The following NEO1 variants were observed in gnomAD, a reference collection of about 807,000 sequenced individuals.
NEO1 encodes the protein neogenin.
Under a neutral mutation model 159.7 loss-of-function variants are expected in NEO1, and 63 were observed. The observed-to-expected ratio is 0.39, with a 90% CI of 0.32 to 0.49. NEO1 has a LOEUF of 0.49. NEO1 is among the 20% of genes least tolerant of loss of function. The probability of loss-of-function intolerance (pLI) is 0.85; values close to 1 mark genes in which losing one functional copy is unlikely to be tolerated. For missense variants in NEO1, 1,615 were observed against 1,831.0 expected (o/e 0.88, Z 2.15); for synonymous variants, 633 against 662.0 (o/e 0.96, Z 0.67).
At chr15:73,294,522 G>A (rs1445231491) in intron 26 of NEO1, among the ~76,000 whole-genome samples, 1 of 152,036 alleles carries the variant, frequency 6.6e-6, no homozygotes, top group African/African-American at 2.4e-5. Context: ...ATTCTTTTAA[G>A]TTTTTTGTTT....
chr15:73,090,728 A>G (rs963109100), intron 1 of NEO1, among the ~76,000 whole-genome samples: 8 of 152,186 alleles, frequency 5.3e-5, no homozygotes, highest in African/African-American at 1.9e-4. Context: ...TCATTCCACT[A>G]TTACCAATCA....
intron 27 of NEO1, among the ~76,000 whole-genome samples, chr15:73,299,514 C>G (rs969787254): frequency 6.6e-6 from 1 of 151,958 alleles, no homozygotes; most frequent in Non-Finnish European, 1.5e-5. Context: ...GCCTCCCAAG[C>G]AGCTGGGACT....
chr15:73,166,777 G>A (rs1446724004), intron 5 of NEO1, among the ~76,000 whole-genome samples: 1 of 152,104 alleles, frequency 6.6e-6, no homozygotes, highest in Non-Finnish European at 1.5e-5. Flanking sequence ...AAGAACTTTA[G>A]GACAAAGATA....
intron 1 of NEO1, among the ~76,000 whole-genome samples, chr15:73,074,496 T>G (rs550099817): frequency 2.0e-5 from 3 of 152,368 alleles, no homozygotes; most frequent in East Asian, 1.9e-4. Context: ...TTTCTTATGC[T>G]TTATTTCTGT....
In NEO1 at chr15:73,301,418, A is replaced by C; in HGVS notation, c.4263A>C (p.Glu1421Asp). 6.2e-7 allele frequency: 1 copy of C among 1,614,204 alleles called. No individual in the cohort carries two copies. The highest frequency in any genetic ancestry group is 8.5e-7 in the Non-Finnish European group (1 of 1,180,036). Residue 1421 changes from glutamate (E) to aspartate (D), a missense_variant, in exon 28 of 29, where the codon GAA becomes GAC. Glu to Asp is a conservative substitution (Grantham distance 45, BLOSUM62 2). Around this residue, in one of 3 missense-constraint regions of NEO1, gnomAD observed 471 missense variants for 498.9 expected, o/e 0.94. Transcript: ENST00000261908. The part of the protein sequence containing the change: ...PMPVVVPSAP[E>D]VQETTRMLED... ...CAGTGGTTGTTCCCAGTGCCCCTGA[A>C]GTGCAGGAGACCACAAGGATGTTGG...
chr15:73,176,702 A>C, intron 6 of NEO1, 145 bp downstream of exon 6: 1 of 573,074 alleles, frequency 1.7e-6, no homozygotes, highest in South Asian at 4.0e-5. Flanking sequence ...TAATACCTTC[A>C]TTGGCTGATG....
chr15:73,128,674 CAA>C (rs1316296667), intron 4 of NEO1, among the ~76,000 whole-genome samples: 3 of 152,040 alleles, frequency 2.0e-5, no homozygotes, highest in Non-Finnish European at 4.4e-5. Context: ...GAAGAAAAGA[CAA>C]ATTATATCAG....
At chr15:73,161,604 C>T (rs778725128) in intron 5 of NEO1, among the ~76,000 whole-genome samples, 1 of 152,184 alleles carries the variant, frequency 6.6e-6, no homozygotes, top group Non-Finnish European at 1.5e-5. Context: ...TCTTTAAAAA[C>T]TAAGCAGGCA....
intron 8 of NEO1, among the ~76,000 whole-genome samples, chr15:73,240,741 G>C (rs559990254): frequency 6.6e-6 from 1 of 152,162 alleles, no homozygotes; most frequent in Non-Finnish European, 1.5e-5. Context: ...TGAAAGCAGC[G>C]ACTTGAAGTG....
At chr15:73,156,224 C>CA (rs1452339933) in intron 5 of NEO1, among the ~76,000 whole-genome samples, 1 of 152,182 alleles carries the variant, frequency 6.6e-6, no homozygotes, top group Non-Finnish European at 1.5e-5. Context: ...TCCTTGGCTA[C>CA]AGATAGCCTT....
chr15:73,173,531 G>A (rs753544252), intron 5 of NEO1, among the ~76,000 whole-genome samples: 2 of 152,066 alleles, frequency 1.3e-5, no homozygotes, highest in Admixed American at 6.6e-5. Flanking sequence ...AGTTTGTTTC[G>A]TAGAAATATT....
At chr15:73,231,394 A>C (rs1423691388) in intron 7 of NEO1, among the ~76,000 whole-genome samples, 2 of 152,192 alleles carry the variant, frequency 1.3e-5, no homozygotes, top group Non-Finnish European at 2.9e-5. Flanking sequence ...AGATATCCAC[A>C]GTAAGCCTGC....
chr15:73,212,701 G>C (rs973718604), intron 7 of NEO1, among the ~76,000 whole-genome samples: 2 of 151,516 alleles, frequency 1.3e-5, no homozygotes, highest in Non-Finnish European at 2.9e-5. Flanking sequence ...ACATGTATAG[G>C]AAAGTTTATA....
intron 15 of NEO1, 67 bp downstream of exon 15, chr15:73,260,532 T>C: frequency 7.5e-7 from 1 of 1,327,768 alleles, no homozygotes; most frequent in Non-Finnish European, 1.0e-6. Context: ...TTTTATGTAA[T>C]ATTTTTATTT....
chr15:73,056,469 T>C (rs2067701266), intron 1 of NEO1, among the ~76,000 whole-genome samples: 1 of 152,242 alleles, frequency 6.6e-6, no homozygotes, highest in Non-Finnish European at 1.5e-5. Flanking sequence ...TTGGCCGGGT[T>C]GTCTTATTCA....
intron 5 of NEO1, among the ~76,000 whole-genome samples, chr15:73,137,736 A>T (rs2031917988): frequency 6.6e-6 from 1 of 152,172 alleles, no homozygotes; most frequent in South Asian, 2.1e-4. Context: ...GGCTCAAGTG[A>T]TCCACCCGCC....
intron 26 of NEO1, among the ~76,000 whole-genome samples, chr15:73,296,751 G>A (rs1450063074): frequency 1.3e-5 from 2 of 152,094 alleles, no homozygotes; most frequent in African/African-American, 4.8e-5. Flanking sequence ...AACCGAGACA[G>A]CTACTAAGTG....
chr15:73,082,958 C>G (rs1000905407), intron 1 of NEO1, among the ~76,000 whole-genome samples: 3 of 152,002 alleles, frequency 2.0e-5, no homozygotes, highest in African/African-American at 7.3e-5. Flanking sequence ...TGTCTGTATC[C>G]CTTTAAAGTG....
intron 5 of NEO1, among the ~76,000 whole-genome samples, chr15:73,168,383 G>GGT (rs1407805149): frequency 1.2e-3 from 108 of 87,288 alleles, no homozygotes; most frequent in African/African-American, 4.4e-3. Flanking sequence ...GGGGGGTGGG[G>GGT]GGGGGGGGTC....
Sources: allele counts gnomAD v4.1 joint callset (sites outside exome capture counted in the v4.1 genomes callset), GRCh38; gene constraint gnomAD v4.1.1; regional missense constraint gnomAD v4.1.1; transcripts MANE v1.5; gene names NCBI Gene and HGNC (gene_info 2026-07-23, HGNC 2026-07-21).